DCAF1: variants seen among roughly 807,000 people sequenced by gnomAD.
DCAF1 encodes DDB1 and CUL4 associated factor 1.
DCAF1 carries 15 observed loss-of-function variants against 128.0 expected under a neutral mutation model. The ratio of observed to expected loss-of-function variants is 0.12; its 90% CI spans 0.08 to 0.18. The LOEUF (loss-of-function observed/expected upper bound fraction) is 0.18. Ranked by LOEUF, DCAF1 falls within the 10% of genes least tolerant of loss-of-function variation. DCAF1 has a pLI of 1.00. For missense variants in DCAF1, 988 were observed against 1,649.5 expected, an observed-to-expected ratio of 0.60 and a Z score of 6.95; for synonymous variants, 610 against 603.0, an observed-to-expected ratio of 1.01 and a Z score of -0.17.
downstream of DCAF1, chr3:51,397,491 A>C (rs868908497): frequency 1.2e-5 from 2 of 166,944 alleles, no homozygotes; most frequent in African/African-American, 4.8e-5. Flanking sequence ...AGCTTTGCCA[A>C]CTCCATCCTC....
In DCAF1 at chr3:51,398,330, G is replaced by A. The variant is rs1264672175; in HGVS notation, c.*439C>T. 6.5e-6 allele frequency: 1 copy of A among 153,744 alleles called. No individual in the cohort carries two copies. Among genetic ancestry groups the A allele is most frequent in the Non-Finnish European group, 1.4e-5 (1 of 69,406 alleles). 9.5% of individuals were successfully genotyped at this position (153,744 alleles called of 1,614,324 possible). On this transcript the variant is annotated 3_prime_UTR_variant, in exon 25 of 25. Transcript: ENST00000684031. ...TTCTTCCAAAGAAAATGAAGTGCAG[G>A]GACAAGAGACCTGGTGGATATAAGT...
At chr3:51,442,309 A>G (rs1385439633) in intron 7 of DCAF1, among the ~76,000 whole-genome samples, 1 of 152,196 alleles carries the variant, frequency 6.6e-6, no homozygotes, top group Non-Finnish European at 1.5e-5. Context: ...ATTGCCATGT[A>G]TATTATACAT....
At chr3:51,445,172 T>TC (rs1553639959) in intron 6 of DCAF1, among the ~76,000 whole-genome samples, 2 of 152,042 alleles carry the variant, frequency 1.3e-5, no homozygotes, top group Non-Finnish European at 2.9e-5. Context: ...GATCACAGAT[T>TC]TAAAAAGAAA....
intron 6 of DCAF1, among the ~76,000 whole-genome samples, chr3:51,460,416 C>T (rs542142795): frequency 1.0e-3 from 158 of 151,470 alleles, no homozygotes; most frequent in South Asian, 3.6e-3. Flanking sequence ...AAAGAGGATA[C>T]AAACAAATGG....
rs782665065 is a variant in DCAF1, at chr3:51,441,924, G to A, written c.514-27C>T. On this transcript the variant is annotated intron_variant, in intron 7 of 24. Coordinates refer to ENST00000684031, the MANE Select transcript of DCAF1 (RefSeq NM_001387579.1). Reference sequence around the variant, plus strand: ...TATCAACAGATAATTGGAGAAAAAGGGGGTGCCTCTTTATTAAGGATTAAG... The same window carrying A: ...TATCAACAGATAATTGGAGAAAAAGAGGGTGCCTCTTTATTAAGGATTAAG... 237 of 1,555,892 alleles carry A rather than the reference G, an allele frequency of 1.5e-4. 1 individual carries two copies. Among genetic ancestry groups the A allele is most frequent in the South Asian group, 2.5e-4 (21 of 82,702 alleles).
At chr3:51,473,830 G>C (rs1553649404) in intron 3 of DCAF1, among the ~76,000 whole-genome samples, 2 of 151,172 alleles carry the variant, frequency 1.3e-5, no homozygotes, top group African/African-American at 4.9e-5. Context: ...TTGAGATGGA[G>C]TCTCGCTCTG....
At chr3:51,466,193 C>G (rs1442354439) in intron 5 of DCAF1, among the ~76,000 whole-genome samples, 1 of 152,110 alleles carries the variant, frequency 6.6e-6, no homozygotes, top group Non-Finnish European at 1.5e-5. Flanking sequence ...CAGAGCCAGA[C>G]CCTGTCTCAA....
chr3:51,475,902 G>A (rs1705383851), intron 3 of DCAF1, among the ~76,000 whole-genome samples: 1 of 151,754 alleles, frequency 6.6e-6, no homozygotes, highest in African/African-American at 2.4e-5. Flanking sequence ...GATTTTCAGG[G>A]TTCAAATCTG....
At position 51,397,935 on chromosome 3, in the gene DCAF1, G is replaced by A. The variant is rs1398962551; in HGVS notation, c.*834C>T. ...GCCTTTGATTTGTAATTTCCACAAT[G>A]GGGAGAAAGGGAAGAAAAAAAGATT... is the stretch of plus-strand genomic sequence containing the variant. On this transcript the variant is annotated 3_prime_UTR_variant, in exon 25 of 25. Coordinates refer to ENST00000684031, the MANE Select transcript of DCAF1 (RefSeq NM_001387579.1). 41 of 166,532 alleles carry A rather than the reference G, an allele frequency of 2.5e-4. No individual in the cohort carries two copies. The highest frequency in any genetic ancestry group is 1.5e-5 in the Non-Finnish European group (1 of 68,100). The allele number at this position is 166,532 out of a possible 1,614,324, so 10.3% of individuals were successfully genotyped here.
chr3:51,443,797 G>A lies in DCAF1; in HGVS notation c.482C>T (p.Ala161Val). 6.2e-7 allele frequency: 1 copy of A among 1,611,414 alleles called. No individual in the cohort carries two copies. The highest frequency in any genetic ancestry group is 8.5e-7 in the Non-Finnish European group (1 of 1,179,238). The change falls in exon 7 of 25, where the codon GCT (alanine) becomes GTT (valine). Residue 161 changes from alanine (A) to valine (V), a missense_variant. Ala to Val is a moderately conservative substitution (Grantham distance 64). Around this residue, in one of 11 missense-constraint regions of DCAF1, gnomAD observed 210 missense variants for 260.2 expected, o/e 0.81. Coordinates refer to ENST00000684031, the MANE Select transcript of DCAF1 (RefSeq NM_001387579.1). Reference sequence around the variant, plus strand: ...TGAATTTTCATCTCTATAGTTGGCAGCAATGTCTTGATTTTCCATAGCACC... The same window carrying A: ...TGAATTTTCATCTCTATAGTTGGCAACAATGTCTTGATTTTCCATAGCACC... ...LGGAMENQDI[A>V]ANYRDENSQL...
chr3:51,422,820 T>TCC (rs1699528261), intron 13 of DCAF1, among the ~76,000 whole-genome samples: 1 of 151,982 alleles, frequency 6.6e-6, no homozygotes, highest in South Asian at 2.1e-4. Flanking sequence ...TCCCAACACT[T>TCC]TAGGAGGCCA....
chr3:51,442,952 T>C (rs782563641), intron 7 of DCAF1, among the ~76,000 whole-genome samples: 3 of 152,128 alleles, frequency 2.0e-5, no homozygotes, highest in Non-Finnish European at 4.4e-5. Flanking sequence ...TCAGGAAGAA[T>C]AGCTAATGGA....
upstream of DCAF1, among the ~76,000 whole-genome samples, chr3:51,504,623 C>T (rs1708899091): frequency 6.6e-6 from 1 of 152,162 alleles, no homozygotes; most frequent in South Asian, 2.1e-4. Flanking sequence ...GCTGGGATGA[C>T]AGGTGTGAAC....
chr3:51,493,491 T>C (rs782289917), intron 2 of DCAF1, among the ~76,000 whole-genome samples: 1 of 151,994 alleles, frequency 6.6e-6, no homozygotes, highest in Non-Finnish European at 1.5e-5. Flanking sequence ...TACACAAATG[T>C]TCTTGGTAGC....
chr3:51,453,986 G>A (rs1294060909), intron 6 of DCAF1, among the ~76,000 whole-genome samples: 1 of 151,282 alleles, frequency 6.6e-6, no homozygotes, highest in Non-Finnish European at 1.5e-5. Flanking sequence ...TGGGACATAC[G>A]CAATTCACAC....
rs1329353885 is a variant in DCAF1 at position 51,398,376 on chromosome 3, G to A, written c.*393C>T. On this transcript the variant is annotated 3_prime_UTR_variant, in exon 25 of 25. Transcript: ENST00000684031. Reference sequence around the variant, plus strand: ...TAAGTTCATACCCTCAGTTATAAATGCCTGTTTTTTTTTCCTTTTTAAAGT... The same window carrying A: ...TAAGTTCATACCCTCAGTTATAAATACCTGTTTTTTTTTCCTTTTTAAAGT... 2 of 163,272 alleles carry A rather than the reference G, an allele frequency of 1.2e-5. No individual in the cohort carries two copies. The highest frequency in any genetic ancestry group is 4.8e-5 in the African/African-American group (2 of 41,558). The allele number at this position is 163,272 out of a possible 1,614,324, so 10.1% of individuals were successfully genotyped here. A position where few individuals can be genotyped will look rare whatever the true frequency, so the allele number is the denominator to read the frequency against.
At position 51,441,460 on chromosome 3, in the gene DCAF1, G is replaced by A. The variant is rs1553638672; in HGVS notation, c.951C>T (p.Thr317=). The change falls in exon 8 of 25, where the codon ACC becomes ACT. Residue 317 remains threonine (T), a synonymous_variant. Coordinates refer to ENST00000684031, the MANE Select transcript of DCAF1 (RefSeq NM_001387579.1). ...MSPWVIGTNY[T]LYPMTPAIEQ... ...CGATAGCAGGAGTCATAGGATAAAG[G>A]GTATAATTGGTGCCAATCACCCAGG... 1 of 1,613,888 alleles carries A rather than the reference G, an allele frequency of 6.2e-7. No individual in the cohort carries two copies. The highest frequency in any genetic ancestry group is 2.2e-5 in the East Asian group (1 of 44,874).
At chr3:51,406,390 C>A in intron 23 of DCAF1, among the ~76,000 whole-genome samples, 1 of 146,164 alleles carries the variant, frequency 6.8e-6, no homozygotes, top group African/African-American at 2.5e-5. Flanking sequence ...AATCCTGACT[C>A]AACTCTGACA....
At chr3:51,422,939 G>A (rs879991027) in intron 13 of DCAF1, among the ~76,000 whole-genome samples, 5 of 151,818 alleles carry the variant, frequency 3.3e-5, no homozygotes, top group South Asian at 2.1e-4. Context: ...GTGGTAGCAC[G>A]TGCCTGTAGT....
Sources: gnomAD v4.1 joint callset for allele counts (sites outside exome capture counted in the v4.1 genomes callset) on GRCh38, gnomAD v4.1.1 for gene constraint, gnomAD v4.1.1 regional missense constraint, MANE v1.5 for transcripts, NCBI Gene and HGNC (gene_info 2026-07-23, HGNC 2026-07-21) for gene names.